The following UTP20 variants were observed in gnomAD, a reference collection of about 807,000 sequenced individuals.
The protein encoded by UTP20 is UTP20 small subunit processome component, also known as small subunit processome component 20 homolog.
Under a neutral mutation model 329.5 loss-of-function variants are expected in UTP20, and 164 were observed. The observed-to-expected ratio is 0.50, with a 90% confidence interval of 0.44 to 0.57. The LOEUF is 0.57. UTP20 is among the 20% of genes least tolerant of loss of function. The pLI, the probability that UTP20 is intolerant of heterozygous loss-of-function variation, is 0.00. For synonymous variants in UTP20, 1,151 were observed against 1,159.3 expected (o/e 0.99, Z 0.14); for missense variants, 3,055 against 3,284.2 (o/e 0.93, Z 1.71).
chr12:101,356,747 C>T, intron 42 of UTP20, 54 bp downstream of exon 42: 2 of 1,566,982 alleles, frequency 1.3e-6, no homozygotes, highest in East Asian at 4.5e-5. Flanking sequence ...TGGTTCTTTT[C>T]TTCCTTACTT....
Position 101,295,518 on chromosome 12 carries a change from C to T in UTP20, c.1290C>T (p.Cys430=). 6.2e-7 allele frequency: 1 copy of T among 1,609,406 alleles called. No homozygotes were observed. Among genetic ancestry groups the T allele is most frequent in the Non-Finnish European group, 8.5e-7 (1 of 1,177,906 alleles). Residue 430 remains cysteine (C), a synonymous_variant, in exon 12 of 62, where the codon TGC becomes TGT. Transcript: ENST00000261637. ...LPSFLSYIVN[C]FLIDDAVVKD... is the part of the protein sequence containing the mutation. ...GCTTTCTGTCATATATTGTGAATTG[C>T]TTCTTAATTGATGATGCTGTAGTCA...
At chr12:101,339,110 C>T (rs1321176207) in intron 31 of UTP20, among the ~76,000 whole-genome samples, 153 bp downstream of exon 31, 1 of 152,056 alleles carries the variant, frequency 6.6e-6, no homozygotes, top group African/African-American at 2.4e-5. Context: ...GTCAGGGGTT[C>T]AAGACCAGCC....
In UTP20 at chr12:101,352,077, C is replaced by T; in HGVS notation, c.4907C>T (p.Ala1636Val). Residue 1636 changes from alanine (A) to valine (V), a missense_variant, in exon 39 of 62, where the codon GCC becomes GTC. Physicochemically the swap from Ala to Val is moderately conservative, Grantham distance 64. Transcript: ENST00000261637. ...MLKHENITTA[A>V]TEIIGAICKH... ...CAGCATGAAAATATAACCACTGCTGCCACAGAGATTATTGGAGCCATTTGC... is the reference window on the plus strand; with the variant it reads ...CAGCATGAAAATATAACCACTGCTGTCACAGAGATTATTGGAGCCATTTGC... The T allele has an allele frequency of 6.2e-7, 1 of 1,613,684 alleles. No individual in the cohort carries two copies. The highest frequency in any genetic ancestry group is 1.1e-5 in the South Asian group (1 of 90,890).
At position 101,338,285 on chromosome 12, in the gene UTP20, T is replaced by C. The variant is rs781340439; in HGVS notation, c.3868+8T>C. Reference sequence around the variant, plus strand: ...TAGCAGAAAACATCGGTGGTATGTATGCTGACAAAGCAGATAATTCTTAGA... The same window carrying C: ...TAGCAGAAAACATCGGTGGTATGTACGCTGACAAAGCAGATAATTCTTAGA... On this transcript the variant is annotated splice_region_variant and intron_variant, in intron 30 of 61. Transcript: ENST00000261637. 3 of 1,612,874 alleles carry C rather than the reference T, an allele frequency of 1.9e-6. No individual in the cohort carries two copies. In the East Asian group the frequency reaches 6.7e-5, roughly 36 times the overall value.
At chr12:101,372,537 T>C (rs1025821028) in intron 51 of UTP20, among the ~76,000 whole-genome samples, 1 of 152,244 alleles carries the variant, frequency 6.6e-6, no homozygotes, top group Middle Eastern at 3.2e-3. Flanking sequence ...AGATACCAGA[T>C]TGGACCACAG....
chr12:101,327,271 C>G, intron 26 of UTP20, 24 bp downstream of exon 26: 4 of 1,553,288 alleles, frequency 2.6e-6, no homozygotes, highest in African/African-American at 2.7e-5. Context: ...ACCTCTCACT[C>G]TAATACCTGT....
intron 19 of UTP20, 28 bp downstream of exon 19, chr12:101,309,867 T>G (rs1872732923): frequency 6.3e-7 from 1 of 1,592,542 alleles, no homozygotes; most frequent in African/African-American, 1.3e-5. Flanking sequence ...GGGATGAAAC[T>G]ATTATACTTT....
rs150600081 is a variant in UTP20 at position 101,354,932 on chromosome 12, C to T, written c.5208C>T (p.Asn1736=). 56 of 1,614,152 alleles carry T rather than the reference C, an allele frequency of 3.5e-5. 1 individual carries two copies. In the Middle Eastern group the frequency reaches 4.9e-4, roughly 14 times the overall value. Residue 1736 remains asparagine, a synonymous_variant, in exon 41 of 62, where the codon AAC becomes AAT. Coordinates refer to ENST00000261637, the MANE Select transcript of UTP20 (RefSeq NM_014503.3). ...ATACATGCAAGAGTTTGTCAGACAA[C>T]GGACAACCGGGAACCCCTGATCCAG... ...KEYTCKSLSD[N]GQPGTPDPAD...
chr12:101,295,416 A>C, intron 11 of UTP20, 64 bp from the exon 12 acceptor site: 1 of 1,414,618 alleles, frequency 7.1e-7, no homozygotes, highest in South Asian at 1.4e-5. Flanking sequence ...AGTTTTTTGA[A>C]TTGTTAGCAT....
chr12:101,360,575 A>C (rs1028664787), intron 43 of UTP20, among the ~76,000 whole-genome samples: 5 of 152,222 alleles, frequency 3.3e-5, no homozygotes, highest in Non-Finnish European at 7.3e-5. Flanking sequence ...CTGTAATCCC[A>C]GCACTTTGGA....
intron 43 of UTP20, among the ~76,000 whole-genome samples, chr12:101,359,187 C>T (rs1565803913): frequency 6.6e-6 from 1 of 152,074 alleles, no homozygotes; most frequent in Non-Finnish European, 1.5e-5. Context: ...CCTCAGCCTC[C>T]GAAGTAGCTG....
intron 10 of UTP20, among the ~76,000 whole-genome samples, chr12:101,292,450 T>C (rs1414382349): frequency 6.6e-6 from 1 of 152,094 alleles, no homozygotes; most frequent in Non-Finnish European, 1.5e-5. Context: ...GTTTTGATAG[T>C]TGTTGGAGAA....
In UTP20 at chr12:101,379,365, C is replaced by T; in HGVS notation, c.7397-6C>T. 1.9e-6 allele frequency: 3 copies of T among 1,593,450 alleles called. No homozygotes were observed. The highest frequency in any genetic ancestry group is 1.7e-5 in the Admixed American group (1 of 57,508). ...GACATCCACAAATGCTTTTTGGTTC[C>T]CTTAGGTCATGTGCATTCTCACCTG... On this transcript the variant is annotated splice_polypyrimidine_tract_variant and splice_region_variant and intron_variant, in intron 56 of 61. Coordinates refer to ENST00000261637, the MANE Select transcript of UTP20 (RefSeq NM_014503.3).
In UTP20 at chr12:101,299,960, C is replaced by T; in HGVS notation, c.1587-13C>T. 6.2e-7 allele frequency: 1 copy of T among 1,612,432 alleles called. No homozygotes were observed. Among genetic ancestry groups the T allele is most frequent in the Non-Finnish European group, 8.5e-7 (1 of 1,179,450 alleles). ...CCAGTTTGAACTTTTCCCTTTTTCT[C>T]CCCCTTGGACAGACCTCTTGAGAAA... is the stretch of plus-strand genomic sequence containing the variant. On this transcript the variant is annotated splice_polypyrimidine_tract_variant and intron_variant, in intron 13 of 61. Coordinates refer to ENST00000261637, the MANE Select transcript of UTP20 (RefSeq NM_014503.3).
intron 19 of UTP20, 130 bp from the exon 20 acceptor site, chr12:101,311,589 A>T: frequency 1.3e-6 from 1 of 762,398 alleles, no homozygotes; most frequent in Non-Finnish European, 2.0e-6. Flanking sequence ...AAAGGTGTTT[A>T]CGACTCCACA....
At chr12:101,317,131 C>T (rs1306949734) in intron 21 of UTP20, among the ~76,000 whole-genome samples, 3 of 152,178 alleles carry the variant, frequency 2.0e-5, no homozygotes, top group Admixed American at 2.0e-4. Flanking sequence ...TAATGCTATA[C>T]TTTAATCATT....
At chr12:101,351,609 C>T (rs563896547) in intron 38 of UTP20, among the ~76,000 whole-genome samples, 4 of 149,280 alleles carry the variant, frequency 2.7e-5, no homozygotes, top group South Asian at 2.1e-4. Flanking sequence ...AAACATGTGC[C>T]GTGGTGGTTT....
chr12:101,350,954 A>C (rs1289013184), intron 38 of UTP20, among the ~76,000 whole-genome samples: 5 of 152,088 alleles, frequency 3.3e-5, no homozygotes, highest in Admixed American at 1.3e-4. Context: ...CTCCTAACTC[A>C]GAAAGACCAC....
At chr12:101,368,128 T>G in intron 48 of UTP20, 152 bp downstream of exon 48, 1 of 496,794 alleles carries the variant, frequency 2.0e-6, no homozygotes, top group Non-Finnish European at 3.5e-6. Context: ...GTTTTTGGGT[T>G]TTTTTTTTTT....
Sources: allele counts gnomAD v4.1 joint callset (sites outside exome capture counted in the v4.1 genomes callset), GRCh38; gene constraint gnomAD v4.1.1; transcripts MANE v1.5; gene names NCBI Gene and HGNC (gene_info 2026-07-23, HGNC 2026-07-21).